The following BBS9 variants were observed in gnomAD, a reference collection of about 807,000 sequenced individuals.
BBS9 encodes the protein Bardet-Biedl syndrome 9.
A neutral mutation model predicts 117.7 loss-of-function variants in BBS9; 89 were observed. The observed-to-expected ratio is 0.76, with a 90% CI of 0.64 to 0.90. The LOEUF is 0.90. Among genes scored for constraint, BBS9 ranks in the 40% least tolerant of loss-of-function variants. The pLI, the probability that BBS9 is intolerant of heterozygous loss-of-function variation, is 0.00. For synonymous variants in BBS9, 379 were observed against 370.9 expected (o/e 1.02, Z -0.25); for missense variants, 982 against 1,042.2 (o/e 0.94, Z 0.80).
chr7:33,553,004 C>T lies in BBS9; in HGVS notation c.2521+18828C>T, dbSNP rs536534826. On this transcript the variant is annotated intron_variant, in intron 21 of 22. Coordinates refer to ENST00000242067, the MANE Select transcript of BBS9 (RefSeq NM_198428.3). ...TCACTTCTACTCACCAAGCGTTTTC[C>T]TGCCTCTGGTTTTGCATATGCTGTT... 1.6e-3 allele frequency among the ~76,000 whole-genome samples: 238 copies of T among 152,224 alleles called. 1 individual carries two copies. The highest frequency in any genetic ancestry group is 5.5e-3 in the African/African-American group (229 of 41,532).
chr7:33,266,847 A>G (rs1296363029), intron 7 of BBS9, among the ~76,000 whole-genome samples: 7 of 152,004 alleles, frequency 4.6e-5, no homozygotes, highest in Admixed American at 3.3e-4. Flanking sequence ...GGTTCAAGTG[A>G]TTCTCCTGCC....
At chr7:33,341,821 A>G (rs1401694858) in intron 11 of BBS9, among the ~76,000 whole-genome samples, 1 of 152,142 alleles carries the variant, frequency 6.6e-6, no homozygotes, top group African/African-American at 2.4e-5. Context: ...TCTTGATTAT[A>G]TTACTTCATC....
intron 21 of BBS9, among the ~76,000 whole-genome samples, chr7:33,555,679 TG>T (rs1855185186): frequency 2.0e-5 from 3 of 152,170 alleles, no homozygotes; most frequent in African/African-American, 7.2e-5. Flanking sequence ...CCCAGATTGC[TG>T]GTTCTAGTTG....
intron 5 of BBS9, among the ~76,000 whole-genome samples, chr7:33,180,693 C>T (rs1044644229): frequency 7.2e-5 from 11 of 152,068 alleles, no homozygotes; most frequent in African/African-American, 2.7e-4. Flanking sequence ...TTTTCGGCAC[C>T]GAGGACAAGC....
chr7:33,457,166 C>T (rs1838773836), intron 19 of BBS9, among the ~76,000 whole-genome samples: 1 of 152,140 alleles, frequency 6.6e-6, no homozygotes, highest in South Asian at 2.1e-4. Flanking sequence ...ATTGTTTACA[C>T]CGAGGGTCAT....
intron 19 of BBS9, among the ~76,000 whole-genome samples, chr7:33,491,394 G>A (rs75907426): frequency 6.6e-6 from 1 of 152,064 alleles, no homozygotes; most frequent in South Asian, 2.1e-4. Context: ...ACAAGCAAAG[G>A]GCATTATGGA....
chr7:33,333,236 C>T (rs1814525476), intron 9 of BBS9, among the ~76,000 whole-genome samples: 1 of 152,130 alleles, frequency 6.6e-6, no homozygotes, highest in Admixed American at 6.5e-5. Context: ...TGCCAGTCCC[C>T]AAAGTCCATG....
At chr7:33,227,224 T>C (rs1294072669) in intron 5 of BBS9, among the ~76,000 whole-genome samples, 1 of 151,864 alleles carries the variant, frequency 6.6e-6, no homozygotes, top group African/African-American at 2.4e-5. Context: ...CTCAGCTCAC[T>C]GCAACCTCCG....
intron 21 of BBS9, among the ~76,000 whole-genome samples, chr7:33,596,299 C>CACACAT (rs1491153351): frequency 0.083 from 11,945 of 143,358 alleles, 630 homozygotes; most frequent in African/African-American, 0.13. Context: ...CACACACACA[C>CACACAT]TTATATATGT....
chr7:33,518,729 C>A (rs1848181454), intron 20 of BBS9, among the ~76,000 whole-genome samples: 1 of 152,112 alleles, frequency 6.6e-6, no homozygotes, highest in Admixed American at 6.6e-5. Context: ...ATTTGATAGA[C>A]AATGATATTT....
At chr7:33,429,536 A>G (rs1221246806) in intron 19 of BBS9, among the ~76,000 whole-genome samples, 1 of 152,162 alleles carries the variant, frequency 6.6e-6, no homozygotes, top group Non-Finnish European at 1.5e-5. Context: ...CTTGGTGAAA[A>G]TAGCATTGGT....
intron 19 of BBS9, among the ~76,000 whole-genome samples, chr7:33,406,942 T>C (rs921057937): frequency 1.3e-5 from 2 of 152,196 alleles, no homozygotes; most frequent in Non-Finnish European, 2.9e-5. Flanking sequence ...GGAGTGTCTT[T>C]GTGGAATTCT....
intron 19 of BBS9, among the ~76,000 whole-genome samples, chr7:33,391,999 C>G (rs551312132): frequency 3.3e-5 from 5 of 152,158 alleles, no homozygotes. Flanking sequence ...ATAAATTATT[C>G]TAACACTTCT....
chr7:33,410,674 C>A (rs60878395), intron 19 of BBS9, among the ~76,000 whole-genome samples: 1 of 152,080 alleles, frequency 6.6e-6, no homozygotes, highest in East Asian at 1.9e-4. Flanking sequence ...AAGATCAACC[C>A]TTCCCTTGAT....
chr7:33,423,466 C>T (rs113886594), intron 19 of BBS9, among the ~76,000 whole-genome samples: 3 of 151,520 alleles, frequency 2.0e-5, no homozygotes, highest in Non-Finnish European at 2.9e-5. Flanking sequence ...TCAGGGCCCA[C>T]GGGTGTGCAC....
chr7:33,629,619 C>T (rs955608367), intron 21 of BBS9, among the ~76,000 whole-genome samples: 2 of 152,176 alleles, frequency 1.3e-5, no homozygotes, highest in Non-Finnish European at 2.9e-5. Context: ...TGATGCTTGA[C>T]ACATAGTAGG....
intron 7 of BBS9, 61 bp downstream of exon 7, chr7:33,264,435 G>T (rs1269573470): frequency 9.3e-6 from 9 of 969,050 alleles, no homozygotes; most frequent in Non-Finnish European, 1.4e-5. Context: ...ACATATGTTT[G>T]TCAATAATAA....
At chr7:33,321,506 T>C (rs1423971251) in intron 9 of BBS9, among the ~76,000 whole-genome samples, 1 of 152,094 alleles carries the variant, frequency 6.6e-6, no homozygotes, top group Non-Finnish European at 1.5e-5. Flanking sequence ...TGGGATTACT[T>C]TCTTGGTGTC....
intron 1 of BBS9, among the ~76,000 whole-genome samples, chr7:33,132,722 C>A (rs1197932001): frequency 1.3e-5 from 2 of 152,106 alleles, no homozygotes; most frequent in Non-Finnish European, 2.9e-5. Context: ...AGTACCAGAC[C>A]TCCCACACCT....
Sources: gnomAD v4.1 joint callset for allele counts (sites outside exome capture counted in the v4.1 genomes callset) on GRCh38, gnomAD v4.1.1 for gene constraint, MANE v1.5 for transcripts, NCBI Gene and HGNC (gene_info 2026-07-23, HGNC 2026-07-21) for gene names.